The following CDH6 variants were observed in gnomAD, a reference collection of about 807,000 sequenced individuals.
CDH6 encodes cadherin 6.
Under a neutral mutation model 78.0 loss-of-function variants are expected in CDH6, and 31 were observed. The observed-to-expected ratio is 0.40, with a 90% CI of 0.30 to 0.54. The LOEUF (loss-of-function observed/expected upper bound fraction) is 0.54, where lower values mean the gene tolerates loss of function less well. CDH6 is among the 20% of genes least tolerant of loss of function. The pLI, the probability that CDH6 is intolerant of heterozygous loss-of-function variation, is 0.56. For synonymous variants in CDH6, 376 were observed against 368.8 expected (o/e 1.02, Z -0.23); for missense variants, 724 against 975.9 (o/e 0.74, Z 3.44).
chr5:31,199,657 GTGTGTGTGTGTA>G (rs1446150950), intron 1 of CDH6, among the ~76,000 whole-genome samples: 5 of 107,828 alleles, frequency 4.6e-5, no homozygotes, highest in Admixed American at 1.0e-4. Context: ...GTGTGTGTAT[GTGTGTGTGTGTA>G]TGTGTGTGTG....
Position 31,267,337 on chromosome 5 carries a change from T to A in CDH6, c.-128-9T>A. The A allele has an allele frequency of 1.6e-6, 1 of 640,982 alleles. No homozygotes were observed. The highest frequency in any genetic ancestry group is 2.7e-5 in the East Asian group (1 of 37,156). 39.7% of individuals were successfully genotyped at this position (640,982 alleles called of 1,614,324 possible). A position where few individuals can be genotyped will look rare whatever the true frequency, so the allele number is the denominator to read the frequency against. The stretch of plus-strand genomic sequence containing the variant: ...CTAAAAATGCTTGTTATGTTATTAT[T>A]CTTTCCAGATATCCTCTGAGAGCCA... On this transcript the variant is annotated splice_polypyrimidine_tract_variant and intron_variant, in intron 1 of 11. Coordinates refer to ENST00000265071, the MANE Select transcript of CDH6 (RefSeq NM_004932.4).
At chr5:31,212,704 G>A (rs2111809601) in intron 1 of CDH6, among the ~76,000 whole-genome samples, 1 of 152,102 alleles carries the variant, frequency 6.6e-6, no homozygotes, top group Admixed American at 6.6e-5. Context: ...GTAACGACTG[G>A]AGAAAAGTGA....
chr5:31,283,818 T>C (rs1742933101), intron 2 of CDH6, among the ~76,000 whole-genome samples: 1 of 135,240 alleles, frequency 7.4e-6, no homozygotes, highest in South Asian at 2.2e-4. Context: ...ATTCTCTCTT[T>C]TTTTTATTTT....
chr5:31,213,118 G>A (rs528677206), intron 1 of CDH6, among the ~76,000 whole-genome samples: 4 of 152,234 alleles, frequency 2.6e-5, no homozygotes, highest in South Asian at 2.1e-4. Flanking sequence ...TTTTGAATGC[G>A]TACTCTTCAA....
At chr5:31,215,187 A>G (rs1740829547) in intron 1 of CDH6, among the ~76,000 whole-genome samples, 1 of 152,332 alleles carries the variant, frequency 6.6e-6, no homozygotes, top group East Asian at 1.9e-4. Context: ...TATCACATAG[A>G]TACTACATTT....
intron 1 of CDH6, among the ~76,000 whole-genome samples, chr5:31,233,343 C>A (rs1263187459): frequency 1.4e-5 from 2 of 141,918 alleles, no homozygotes; most frequent in African/African-American, 2.7e-5. Context: ...CCCGTCTCTA[C>A]AAAAAAAAAA....
At chr5:31,283,000 GA>G (rs1471891511) in intron 2 of CDH6, among the ~76,000 whole-genome samples, 4 of 151,878 alleles carry the variant, frequency 2.6e-5, no homozygotes, top group African/African-American at 9.7e-5. Flanking sequence ...TGGAAGGATG[GA>G]TGGATGGATG....
At chr5:31,278,207 G>C (rs1394432858) in intron 2 of CDH6, among the ~76,000 whole-genome samples, 1 of 152,114 alleles carries the variant, frequency 6.6e-6, no homozygotes, top group African/African-American at 2.4e-5. Context: ...TGTCTTTAAA[G>C]TTCAAGGATG....
chr5:31,264,442 A>G (rs1349142656), intron 1 of CDH6, among the ~76,000 whole-genome samples: 7 of 152,182 alleles, frequency 4.6e-5, no homozygotes, highest in African/African-American at 1.2e-4. Context: ...CCATTTACAG[A>G]ATAAAGAAAC....
At chr5:31,312,945 G>GCGCA (rs1554010887) in intron 7 of CDH6, among the ~76,000 whole-genome samples, 5 of 149,202 alleles carry the variant, frequency 3.4e-5, no homozygotes, top group Admixed American at 3.3e-4. Flanking sequence ...ATGCATACAA[G>GCGCA]CACACACACA....
chr5:31,318,073 T>C, intron 11 of CDH6, 149 bp downstream of exon 11: 1 of 952,814 alleles, frequency 1.0e-6, no homozygotes, highest in Non-Finnish European at 1.7e-6. Context: ...TGCTGTACGA[T>C]GTGAACTCAT....
chr5:31,199,685 G>GTGTGTGTATATATATATATA (rs796740950), intron 1 of CDH6, among the ~76,000 whole-genome samples: 3 of 79,852 alleles, frequency 3.8e-5, no homozygotes, highest in African/African-American at 1.4e-4. Context: ...GTGTGTGTGT[G>GTGTGTGTATATATATATATA]TATATATATA....
chr5:31,247,293 G>A (rs1431249754), intron 1 of CDH6, among the ~76,000 whole-genome samples: 6 of 152,292 alleles, frequency 3.9e-5, no homozygotes, highest in Admixed American at 3.9e-4. Flanking sequence ...CTTAGGACAT[G>A]AATATGGTCA....
chr5:31,195,084 T>C (rs1364424814), intron 1 of CDH6, among the ~76,000 whole-genome samples: 1 of 144,100 alleles, frequency 6.9e-6, no homozygotes, highest in Non-Finnish European at 1.5e-5. Context: ...CTACTCCCAT[T>C]AAAAAAAAAA....
At position 31,325,723 on chromosome 5, in the gene CDH6, C is replaced by A. The variant is rs78382074; in HGVS notation, c.*2415C>A. The stretch of plus-strand genomic sequence containing the variant: ...TGGCAAGGTATTTTATCCCTCCCTG[C>A]AGATGACACAGCATACCAAGAACAG... On this transcript the variant is annotated 3_prime_UTR_variant, in exon 12 of 12. Coordinates refer to ENST00000265071, the MANE Select transcript of CDH6 (RefSeq NM_004932.4). 1,375 of 230,656 alleles carry A rather than the reference C, an allele frequency of 6.0e-3. 26 individuals carry two copies. Among genetic ancestry groups the A allele is most frequent in the East Asian group, 0.048 (771 of 16,132 alleles). 14.3% of individuals were successfully genotyped at this position (230,656 alleles called of 1,614,324 possible). A position where few individuals can be genotyped will look rare whatever the true frequency, so the allele number is the denominator to read the frequency against.
chr5:31,289,965 TA>T (rs532111058), intron 2 of CDH6, among the ~76,000 whole-genome samples: 100 of 146,732 alleles, frequency 6.8e-4, no homozygotes, highest in South Asian at 1.1e-3. Flanking sequence ...GATGCTGTAT[TA>T]AAAAAAAAAA....
intron 1 of CDH6, among the ~76,000 whole-genome samples, chr5:31,214,218 G>C (rs1331901252): frequency 6.6e-6 from 1 of 151,360 alleles, no homozygotes; most frequent in Non-Finnish European, 1.5e-5. Context: ...TTCAGAAAGA[G>C]GTCACAAGGC....
At chr5:31,240,508 A>G (rs1741569609) in intron 1 of CDH6, among the ~76,000 whole-genome samples, 1 of 152,110 alleles carries the variant, frequency 6.6e-6, no homozygotes, top group African/African-American at 2.4e-5. Flanking sequence ...CCACTCTTGA[A>G]GCAGAAAATA....
At chr5:31,318,903 C>T (rs576635972) in intron 11 of CDH6, 19 of 225,104 alleles carry the variant, frequency 8.4e-5, no homozygotes, top group South Asian at 7.3e-4. Flanking sequence ...CGCTCCTTCA[C>T]GCTCCACATC....
Sources: gnomAD v4.1 joint callset for allele counts (sites outside exome capture counted in the v4.1 genomes callset) on GRCh38, gnomAD v4.1.1 for gene constraint, MANE v1.5 for transcripts, NCBI Gene and HGNC (gene_info 2026-07-23, HGNC 2026-07-21) for gene names.